Variants in MAPK8IP3 observed in about 807,000 individuals in gnomAD.
MAPK8IP3 encodes the protein mitogen-activated protein kinase 8 interacting protein 3, also known as C-Jun-amino-terminal kinase-interacting protein 3.
MAPK8IP3 carries 49 observed loss-of-function variants against 157.8 expected under a neutral mutation model. That is an observed-to-expected ratio of 0.31 (90% CI 0.25 to 0.39). MAPK8IP3 has a LOEUF of 0.39. Among genes scored for constraint, MAPK8IP3 ranks in the 10% least tolerant of loss-of-function variants. The pLI, the probability that MAPK8IP3 is intolerant of heterozygous loss-of-function variation, is 1.00. For synonymous variants in MAPK8IP3, 897 were observed against 777.7 expected (o/e 1.15, Z -2.55); for missense variants, 1,478 against 1,889.4 (o/e 0.78, Z 4.04).
intron 4 of MAPK8IP3, among the ~76,000 whole-genome samples, chr16:1,733,599 G>A (rs567179282): frequency 6.6e-6 from 1 of 152,356 alleles, no homozygotes; most frequent in African/African-American, 2.4e-5. Context: ...CGGGACCCAG[G>A]GACCTGAGCT....
At chr16:1,722,420 G>T (rs570406023) in intron 1 of MAPK8IP3, among the ~76,000 whole-genome samples, 15 of 152,334 alleles carry the variant, frequency 9.8e-5, no homozygotes, top group Middle Eastern at 6.8e-3. Flanking sequence ...AGGAAGAAGC[G>T]TCGAGGAGCC....
rs550455084 is a variant in MAPK8IP3, at chr16:1,730,983, T to C, written c.602+1405T>C. Reference sequence around the variant, plus strand: ...GGTGAAACCCCGTCTCTACTAAAAATACAAAAATTAGCTGGGTGTGGTGGC... The same window carrying C: ...GGTGAAACCCCGTCTCTACTAAAAACACAAAAATTAGCTGGGTGTGGTGGC... On this transcript the variant is annotated intron_variant, in intron 4 of 31. Coordinates refer to ENST00000610761, the MANE Select transcript of MAPK8IP3 (RefSeq NM_001318852.2). 4.8e-4 allele frequency among the ~76,000 whole-genome samples: 72 copies of C among 149,454 alleles called. 1 individual carries two copies. Among genetic ancestry groups the C allele is most frequent in the African/African-American group, 1.7e-3 (67 of 40,442 alleles).
intron 8 of MAPK8IP3, among the ~76,000 whole-genome samples, chr16:1,754,961 T>C (rs1769645278): frequency 6.6e-6 from 1 of 152,162 alleles, no homozygotes; most frequent in African/African-American, 2.4e-5. Flanking sequence ...AGGAATCCGT[T>C]CATTACCAGT....
chr16:1,727,746 G>C (rs1461210197), intron 2 of MAPK8IP3, among the ~76,000 whole-genome samples: 1 of 152,184 alleles, frequency 6.6e-6, no homozygotes, highest in African/African-American at 2.4e-5. Context: ...AGATCCCCGC[G>C]CCAGCAGTGC....
At chr16:1,717,865 T>C (rs1327289883) in intron 1 of MAPK8IP3, among the ~76,000 whole-genome samples, 1 of 152,126 alleles carries the variant, frequency 6.6e-6, no homozygotes, top group Non-Finnish European at 1.5e-5. Flanking sequence ...TCTCTTTTTT[T>C]TTTTGAGATG....
rs376534879 is a variant in MAPK8IP3, at chr16:1,743,343, G to A, written c.614G>A (p.Arg205His). The change falls in exon 5 of 32, where the codon CGC becomes CAC. Residue 205 changes from arginine to histidine, a missense_variant. Around this residue, in one of 11 missense-constraint regions of MAPK8IP3, gnomAD observed 315 missense variants for 394.4 expected, o/e 0.80. Coordinates refer to ENST00000610761, the MANE Select transcript of MAPK8IP3 (RefSeq NM_001318852.2). This position sits in a 1 kb window ranked among gnomAD's most constrained non-coding sequence, Gnocchi z 5.6. The part of the protein sequence containing the change: ...SSLPGRSRKE[R>H]PTSLNVFPLA... ...GCCCCCCATTTCAGCAGGAAGGAGCGCCCCACCTCCCTGAACGTGTTCCCC... is the reference window on the plus strand; with the variant it reads ...GCCCCCCATTTCAGCAGGAAGGAGCACCCCACCTCCCTGAACGTGTTCCCC... 13 of 1,557,464 alleles carry A rather than the reference G, an allele frequency of 8.3e-6. No individual in the cohort carries two copies. In the African/African-American group the frequency reaches 8.4e-5, roughly 10 times the overall value.
intron 1 of MAPK8IP3, among the ~76,000 whole-genome samples, chr16:1,709,397 C>T (rs553841180): frequency 1.3e-5 from 2 of 152,332 alleles, no homozygotes; most frequent in South Asian, 4.1e-4. Flanking sequence ...GCTGCAGTGG[C>T]CGCGGACTTT....
At position 1,768,816 on chromosome 16, in the gene MAPK8IP3, C is replaced by A. The variant is rs1378098859; in HGVS notation, c.4006C>A (p.Pro1336Thr). ...CATCGTGTGGCAGGTGTCCTACACC[C>A]CCGAGTGAAGCTGCTGCCCTGCCTG... ...HIIVWQVSYT[P>T]E The change falls in exon 32 of 32, where the codon CCC becomes ACC. Residue 1336 changes from proline (P) to threonine (T), a missense_variant. Around this residue, in one of 11 missense-constraint regions of MAPK8IP3, gnomAD observed 133 missense variants for 133.4 expected, o/e 1.00. Coordinates refer to ENST00000610761, the MANE Select transcript of MAPK8IP3 (RefSeq NM_001318852.2). The A allele has an allele frequency of 6.2e-7, 1 of 1,612,190 alleles. No homozygotes were observed. The highest frequency in any genetic ancestry group is 8.5e-7 in the Non-Finnish European group (1 of 1,179,774).
At chr16:1,762,575 G>C in intron 14 of MAPK8IP3, 94 bp downstream of exon 14, 1 of 1,571,300 alleles carries the variant, frequency 6.4e-7, no homozygotes, top group Admixed American at 1.8e-5. Flanking sequence ...CTTCTGGGGG[G>C]ACTGAAGTGC....
chr16:1,729,613 G>T, intron 4 of MAPK8IP3, 35 bp downstream of exon 4: 1 of 1,542,254 alleles, frequency 6.5e-7, no homozygotes, highest in Non-Finnish European at 8.8e-7. Context: ...GGTACGCGGG[G>T]CGCGGCGGGG....
intron 1 of MAPK8IP3, among the ~76,000 whole-genome samples, chr16:1,715,012 A>G (rs950484098): frequency 2.0e-5 from 3 of 152,162 alleles, no homozygotes; most frequent in African/African-American, 7.2e-5. Context: ...TACCAACCAT[A>G]TAAATTTATA....
rs1372111327 is a variant in MAPK8IP3, at chr16:1,712,070, TTTC to T, written c.318+5416_318+5418del. On this transcript the variant is annotated intron_variant, in intron 1 of 31. Coordinates refer to ENST00000610761, the MANE Select transcript of MAPK8IP3 (RefSeq NM_001318852.2). Reference sequence around the variant, plus strand: ...GGAGTTCTTTTTTTTTTTTTTTTTTTTTCTTTTTTGAGATGGAGTCTCGCTCTG... The same window carrying T: ...GGAGTTCTTTTTTTTTTTTTTTTTTTTTTTTTGAGATGGAGTCTCGCTCTG... 8.1e-5 allele frequency among the ~76,000 whole-genome samples: 10 copies of T among 122,788 alleles called. 1 individual carries two copies. Among genetic ancestry groups the T allele is most frequent in the Non-Finnish European group, 1.1e-4 (6 of 56,972 alleles). 80.6% of individuals were successfully genotyped at this position (122,788 alleles called of 152,430 possible). A position where few individuals can be genotyped will look rare whatever the true frequency, so the allele number is the denominator to read the frequency against.
In MAPK8IP3 at chr16:1,738,467, C is replaced by T. The variant is rs1350993189; in HGVS notation, c.603-4865C>T. On this transcript the variant is annotated intron_variant, in intron 4 of 31. Coordinates refer to ENST00000610761, the MANE Select transcript of MAPK8IP3 (RefSeq NM_001318852.2). The stretch of plus-strand genomic sequence containing the variant: ...ATCCATGTGAGCATGTGTGACCGTC[C>T]GTGTGAGCATCCGTGTGAGCGTGTG... Among the ~76,000 whole-genome samples the T allele has an allele frequency of 2.3e-4, 22 of 93,638 alleles. 1 individual carries two copies. The highest frequency in any genetic ancestry group is 3.6e-4 in the Non-Finnish European group (18 of 50,686). 61.4% of individuals were successfully genotyped at this position (93,638 alleles called of 152,430 possible). A position where few individuals can be genotyped will look rare whatever the true frequency, so the allele number is the denominator to read the frequency against.
At position 1,743,965 on chromosome 16, in the gene MAPK8IP3, C is replaced by G. The variant is rs2040826517; in HGVS notation, c.747+489C>G. 20 of 1,001,462 alleles carry G rather than the reference C, an allele frequency of 2.0e-5. No individual in the cohort carries two copies. The highest frequency in any genetic ancestry group is 2.3e-5 in the Non-Finnish European group (19 of 840,624). 62.0% of individuals were successfully genotyped at this position (1,001,462 alleles called of 1,614,324 possible). A position where few individuals can be genotyped will look rare whatever the true frequency, so the allele number is the denominator to read the frequency against. On this transcript the variant is annotated intron_variant, in intron 5 of 31. Coordinates refer to ENST00000610761, the MANE Select transcript of MAPK8IP3 (RefSeq NM_001318852.2). This position sits in a 1 kb window ranked among gnomAD's most constrained non-coding sequence, Gnocchi z 5.6. Reference sequence around the variant, plus strand: ...GGAGAAAGCTCCTCTTCTCTGGGCCCCTCCCTGCCTGTCCCTGGTAACGCC... The same window carrying G: ...GGAGAAAGCTCCTCTTCTCTGGGCCGCTCCCTGCCTGTCCCTGGTAACGCC...
chr16:1,748,912 C>T (rs972965377), intron 8 of MAPK8IP3, 192 bp downstream of exon 8: 3 of 728,168 alleles, frequency 4.1e-6, no homozygotes, highest in African/African-American at 3.4e-5. Flanking sequence ...TTCTGGACTG[C>T]CCCAAGGATG....
rs958329267 is a variant in MAPK8IP3 at position 1,710,275 on chromosome 16, G to A, written c.318+3618G>A. On this transcript the variant is annotated intron_variant, in intron 1 of 31. Transcript: ENST00000610761. The surrounding 1 kb of genome is among the most constrained non-coding windows in gnomAD (Gnocchi z 4.1). Reference sequence around the variant, plus strand: ...GTCAGGAGTTTGAGACCAGCCTGGCGAACCTGGCGAAACCCTGTCTCTACT... The same window carrying A: ...GTCAGGAGTTTGAGACCAGCCTGGCAAACCTGGCGAAACCCTGTCTCTACT... Among the ~76,000 whole-genome samples, 4 of 150,668 alleles carry A rather than the reference G, an allele frequency of 2.7e-5. No homozygotes were observed. The highest frequency in any genetic ancestry group is 3.9e-4 in the East Asian group (2 of 5,118).
chr16:1,762,294 G>A (rs2041998831), intron 13 of MAPK8IP3, 57 bp from the exon 14 acceptor site: 4 of 1,512,270 alleles, frequency 2.6e-6, no homozygotes, highest in Non-Finnish European at 3.5e-6. Context: ...CCAGGAGGAA[G>A]CAGGTGTCAC....
intron 8 of MAPK8IP3, 145 bp from the exon 9 acceptor site, chr16:1,758,003 C>A: frequency 1.2e-6 from 1 of 800,762 alleles, no homozygotes; most frequent in Non-Finnish European, 2.1e-6. Flanking sequence ...CTGGAGGCTG[C>A]TCCCTCTCTC....
rs1239130905 is a variant in MAPK8IP3 at position 1,768,812 on chromosome 16, C to T, written c.4002C>T (p.Tyr1334=). 6.2e-7 allele frequency: 1 copy of T among 1,612,388 alleles called. No individual in the cohort carries two copies. Among genetic ancestry groups the T allele is most frequent in the Non-Finnish European group, 8.5e-7 (1 of 1,179,784 alleles). Residue 1334 remains tyrosine (Y), a synonymous_variant, in exon 32 of 32, where the codon TAC becomes TAT. Coordinates refer to ENST00000610761, the MANE Select transcript of MAPK8IP3 (RefSeq NM_001318852.2). ...ACATCATCGTGTGGCAGGTGTCCTA[C>T]ACCCCCGAGTGAAGCTGCTGCCCTG... ...RSHIIVWQVS[Y]TPE is the part of the protein sequence containing the mutation.
Sources: allele counts gnomAD v4.1 joint callset (sites outside exome capture counted in the v4.1 genomes callset), GRCh38; gene constraint gnomAD v4.1.1; regional missense constraint gnomAD v4.1.1; non-coding constraint Gnocchi (gnomAD v3.1); transcripts MANE v1.5; gene names NCBI Gene and HGNC (gene_info 2026-07-23, HGNC 2026-07-21).